The following ANKRD31 variants were observed in gnomAD, a reference collection of about 807,000 sequenced individuals.
ANKRD31 encodes the protein ankyrin repeat domain-containing protein 31.
In ANKRD31, 147 loss-of-function variants were observed where a neutral mutation model predicts 186.0. The ratio of observed to expected loss-of-function variants is 0.79; its 90% confidence interval spans 0.69 to 0.91. ANKRD31 has a LOEUF of 0.91. ANKRD31 is among the 40% of genes least tolerant of loss of function. ANKRD31 has a pLI of 0.00. For missense variants in ANKRD31, 1,986 were observed against 2,148.8 expected, an observed-to-expected ratio of 0.92 and a Z score of 1.50; for synonymous variants, 673 against 736.4, an observed-to-expected ratio of 0.91 and a Z score of 1.39.
In ANKRD31 at chr5:75,104,913, C is replaced by A; in HGVS notation, c.4646G>T (p.Trp1549Leu). 6.5e-7 allele frequency: 1 copy of A among 1,537,142 alleles called. No individual in the cohort carries two copies. The highest frequency in any genetic ancestry group is 8.7e-7 in the Non-Finnish European group (1 of 1,146,886). Reference sequence around the variant, plus strand: ...AATGTTGGTATTTTGGCTGTAGTTCCAAGTTTCCAGAGACAATTGTGTTTC... The same window carrying A: ...AATGTTGGTATTTTGGCTGTAGTTCAAAGTTTCCAGAGACAATTGTGTTTC... ...MQETQLSLET[W>L]NYSQNTNICL... Residue 1549 changes from tryptophan (W) to leucine (L), a missense_variant, in exon 22 of 26, where the codon TGG (tryptophan) becomes TTG (leucine). Physicochemically the swap from Trp to Leu is moderately conservative, Grantham distance 61. Transcript: ENST00000506364.
chr5:75,177,349 T>C (rs1165410438), intron 10 of ANKRD31, among the ~76,000 whole-genome samples: 2 of 151,858 alleles, frequency 1.3e-5, no homozygotes, highest in East Asian at 1.9e-4. Flanking sequence ...TCTAGCAAGG[T>C]GGGCCAACAT....
chr5:75,150,727 T>C (rs17671266), intron 12 of ANKRD31, among the ~76,000 whole-genome samples: 15,676 of 151,952 alleles, frequency 0.1, 824 homozygotes, highest in East Asian at 0.14. Context: ...GTAGGAAGCA[T>C]TCCCAGAAGA....
At chr5:75,217,610 G>A (rs553390025) in intron 3 of ANKRD31, among the ~76,000 whole-genome samples, 53 of 152,074 alleles carry the variant, frequency 3.5e-4, no homozygotes, top group African/African-American at 1.2e-3. Context: ...TTTGCTTGGT[G>A]GATTTTTCTC....
At chr5:75,115,344 A>G (rs1038407179) in intron 19 of ANKRD31, among the ~76,000 whole-genome samples, 2 of 152,180 alleles carry the variant, frequency 1.3e-5, no homozygotes, top group African/African-American at 4.8e-5. Context: ...GGACATAGGC[A>G]TGGGCAAGCA....
At chr5:75,096,669 T>TA in intron 22 of ANKRD31, among the ~76,000 whole-genome samples, 1 of 152,296 alleles carries the variant, frequency 6.6e-6, no homozygotes, top group African/African-American at 2.4e-5. Context: ...TAAAAAAATT[T>TA]TTTTTTTATT....
intron 3 of ANKRD31, among the ~76,000 whole-genome samples, chr5:75,215,286 CCACTGACTTTAATGTTAATTTCATT>C (rs1756900064): frequency 6.6e-6 from 1 of 152,136 alleles, no homozygotes; most frequent in Non-Finnish European, 1.5e-5. Context: ...TTACTCAGGT[CCACTGACTTTAATGTTAATTTCATT>C]CAAAAACACT....
At chr5:75,148,317 T>A (rs114750314) in intron 13 of ANKRD31, among the ~76,000 whole-genome samples, 3,645 of 151,882 alleles carry the variant, frequency 0.024, 137 homozygotes, top group African/African-American at 0.083. Flanking sequence ...CACAGGAAAT[T>A]AGACATAGTT....
In ANKRD31 at chr5:75,117,378, C is replaced by T. The variant is rs35927388; in HGVS notation, c.4040-697G>A. Among the ~76,000 whole-genome samples the T allele has an allele frequency of 6.8e-3, 1,035 of 152,190 alleles. 5 individuals carry two copies. Among genetic ancestry groups the T allele is most frequent in the Non-Finnish European group, 8.9e-3 (605 of 68,014 alleles). ...TATGGACTTACTATATGGAAGCAGGCAACGAAAAGAGGAAATTTGTATCAC... is the reference window on the plus strand; with the variant it reads ...TATGGACTTACTATATGGAAGCAGGTAACGAAAAGAGGAAATTTGTATCAC... On this transcript the variant is annotated intron_variant, in intron 18 of 25. Coordinates refer to ENST00000506364, the MANE Select transcript of ANKRD31 (RefSeq NM_001372053.1).
chr5:75,186,285 A>C (rs1322183873), intron 10 of ANKRD31, among the ~76,000 whole-genome samples: 1 of 152,244 alleles, frequency 6.6e-6, no homozygotes, highest in Non-Finnish European at 1.5e-5. Flanking sequence ...AATTTCCTTC[A>C]AAGAGAATAT....
chr5:75,222,336 T>C lies in ANKRD31; in HGVS notation c.201A>G (p.Gln67=). ...MCKGMPSPEI[Q]LGFKLREDLQ... is the part of the protein sequence containing the mutation. ...GATCCTCTCTGAGCTTAAATCCAAG[T>C]TGAATCTCAGGAGAAGGCATGCCTA... Residue 67 remains glutamine (Q), a synonymous_variant, in exon 3 of 26, where the codon CAA becomes CAG. Transcript: ENST00000506364. The C allele has an allele frequency of 1.3e-6, 2 of 1,536,590 alleles. No homozygotes were observed. The highest frequency in any genetic ancestry group is 1.7e-6 in the Non-Finnish European group (2 of 1,146,592).
In ANKRD31 at chr5:75,154,212, C is replaced by T. The variant is rs1422101094; in HGVS notation, c.1841G>A (p.Cys614Tyr). The T allele has an allele frequency of 3.3e-6, 5 of 1,516,914 alleles. No homozygotes were observed. The Admixed American group carries it at 6.1e-5, about 19-fold the overall frequency. The allele number at this position is 1,516,914 out of a possible 1,614,324, so 94.0% of individuals were successfully genotyped here. The change falls in exon 12 of 26, where the codon TGC becomes TAC. Residue 614 changes from cysteine (C) to tyrosine (Y), a missense_variant. Physicochemically the swap from Cys to Tyr is radical, Grantham distance 194. Transcript: ENST00000506364. ...LERYIPKHQK[C>Y]LTSAQRSSID... ...CAGTTTAATCTTACCTGATGTAAGG[C>T]ATTTTTGATGTTTAGGGATATATCT...
intron 3 of ANKRD31, among the ~76,000 whole-genome samples, chr5:75,215,349 C>T (rs946356449): frequency 3.3e-5 from 5 of 152,032 alleles, no homozygotes; most frequent in Non-Finnish European, 4.4e-5. Flanking sequence ...AATGTTTGAC[C>T]AACTATCTGA....
chr5:75,183,572 A>G (rs1378731082), intron 10 of ANKRD31, among the ~76,000 whole-genome samples: 2 of 152,200 alleles, frequency 1.3e-5, no homozygotes, highest in Non-Finnish European at 2.9e-5. Context: ...AGCTTTCAGG[A>G]TACAAAATCA....
At chr5:75,230,483 C>T (rs1032749302) in intron 2 of ANKRD31, 79 bp downstream of exon 2, 1 of 1,133,726 alleles carries the variant, frequency 8.8e-7, no homozygotes, top group African/African-American at 1.6e-5. Flanking sequence ...GTCTCAGTTT[C>T]CAAGAACCTA....
At chr5:75,141,751 T>G (rs1435068782) in intron 15 of ANKRD31, among the ~76,000 whole-genome samples, 1 of 151,854 alleles carries the variant, frequency 6.6e-6, no homozygotes, top group African/African-American at 2.4e-5. Context: ...TGCAGTGAAC[T>G]GTGATTGTGC....
chr5:75,073,105 C>T (rs1182989692), intron 25 of ANKRD31, among the ~76,000 whole-genome samples: 1 of 152,154 alleles, frequency 6.6e-6, no homozygotes. Context: ...TAAACCCTAG[C>T]ATTTCTCTCC....
In ANKRD31 at chr5:75,193,565, T is replaced by A. The variant is rs1434130486; in HGVS notation, c.1044A>T (p.Gly348=). The A allele has an allele frequency of 1.3e-6, 2 of 1,536,516 alleles. No homozygotes were observed. The highest frequency in any genetic ancestry group is 2.7e-5 in the African/African-American group (2 of 73,120). ...TATTTTGATGAGCCAAAGTTTGCAATCCAGATGGATTTGGGTCTTGCAGAG... is the reference window on the plus strand; with the variant it reads ...TATTTTGATGAGCCAAAGTTTGCAAACCAGATGGATTTGGGTCTTGCAGAG... ...AETLQDPNPS[G]LQTLAHQNIT... The change falls in exon 8 of 26, where the codon GGA becomes GGT. Residue 348 remains glycine, a synonymous_variant. Transcript: ENST00000506364.
At position 75,146,217 on chromosome 5, in the gene ANKRD31, C is replaced by T. The variant is rs1580428003; in HGVS notation, c.3194G>A (p.Arg1065Lys). The T allele has an allele frequency of 6.5e-7, 1 of 1,536,220 alleles. No individual in the cohort carries two copies. The highest frequency in any genetic ancestry group is 1.2e-5 in the South Asian group (1 of 84,004). Residue 1065 changes from arginine (R) to lysine (K), a missense_variant, in exon 14 of 26, where the codon AGG becomes AAG. By Grantham distance (26) the Arg-to-Lys change is conservative (BLOSUM62 2). Coordinates refer to ENST00000506364, the MANE Select transcript of ANKRD31 (RefSeq NM_001372053.1). ...TTTTTGGTCTCTGTCAATGTAATTC[C>T]TCTCAGTGTCACAATTCTTTGCCAT... is the stretch of plus-strand genomic sequence containing the variant. ...EKMAKNCDTE[R>K]NYIDRDQKII...
intron 25 of ANKRD31, among the ~76,000 whole-genome samples, chr5:75,074,955 C>G (rs1223257107): frequency 6.6e-6 from 1 of 152,164 alleles, no homozygotes; most frequent in Non-Finnish European, 1.5e-5. Context: ...TATTTCTACA[C>G]AAAAGCACAA....
Sources: allele counts gnomAD v4.1 joint callset (sites outside exome capture counted in the v4.1 genomes callset), GRCh38; gene constraint gnomAD v4.1.1; transcripts MANE v1.5; gene names NCBI Gene and HGNC (gene_info 2026-07-23, HGNC 2026-07-21).